GDAP1L1: variants seen among roughly 807,000 people sequenced by gnomAD.
GDAP1L1 encodes ganglioside-induced differentiation-associated protein 1-like 1.
Under a neutral mutation model 37.1 loss-of-function variants are expected in GDAP1L1, and 21 were observed. The observed-to-expected ratio is 0.57, with a 90% confidence interval of 0.40 to 0.81. The LOEUF (loss-of-function observed/expected upper bound fraction) is 0.81. GDAP1L1 is among the 40% of genes least tolerant of loss of function. The pLI is 0.00. For synonymous variants in GDAP1L1, 193 were observed against 209.1 expected (o/e 0.92, Z 0.67); for missense variants, 362 against 491.6 (o/e 0.74, Z 2.49).
chr20:44,253,402 AT>A (rs1555798835), intron 1 of GDAP1L1, among the ~76,000 whole-genome samples: 2 of 152,184 alleles, frequency 1.3e-5, no homozygotes, highest in Non-Finnish European at 2.9e-5. Flanking sequence ...AGGCCTACTA[AT>A]TTTTTTAAAA....
intron 1 of GDAP1L1, among the ~76,000 whole-genome samples, chr20:44,252,609 C>T (rs2073466527): frequency 6.6e-6 from 1 of 152,156 alleles, no homozygotes; most frequent in Admixed American, 6.6e-5. Context: ...CACTGCACTC[C>T]AGCTTGGGTA....
At chr20:44,262,526 T>C (rs1286739450) in intron 3 of GDAP1L1, among the ~76,000 whole-genome samples, 1 of 152,020 alleles carries the variant, frequency 6.6e-6, no homozygotes, top group Admixed American at 6.5e-5. Flanking sequence ...TGGCATCTAC[T>C]ACTCGTCCTC....
intron 2 of GDAP1L1, 107 bp downstream of exon 2, chr20:44,257,452 T>C: frequency 8.7e-7 from 1 of 1,149,608 alleles, no homozygotes; most frequent in South Asian, 1.6e-5. Context: ...GGAAATTCAC[T>C]GGAGCCATGG....
At chr20:44,256,832 A>G (rs1302006993) in intron 1 of GDAP1L1, among the ~76,000 whole-genome samples, 1 of 152,132 alleles carries the variant, frequency 6.6e-6, no homozygotes, top group Non-Finnish European at 1.5e-5. Context: ...AAGAAAACTG[A>G]GGCCCAGAAA....
intron 5 of GDAP1L1, among the ~76,000 whole-genome samples, chr20:44,269,760 T>A (rs1041821970): frequency 1.3e-5 from 2 of 152,068 alleles, no homozygotes; most frequent in African/African-American, 4.8e-5. Flanking sequence ...TGAAACCCTG[T>A]CTCTACTAAA....
intron 5 of GDAP1L1, among the ~76,000 whole-genome samples, chr20:44,267,988 A>G (rs1041518932): frequency 2.6e-5 from 4 of 152,212 alleles, no homozygotes; most frequent in Middle Eastern, 6.3e-3. Flanking sequence ...TGGGGGAGGT[A>G]GCAGAAGCCC....
chr20:44,261,225 G>A (rs911999700), intron 3 of GDAP1L1, among the ~76,000 whole-genome samples: 4 of 152,238 alleles, frequency 2.6e-5, no homozygotes, highest in Non-Finnish European at 5.9e-5. Context: ...TCAGTCTCAA[G>A]TCTTCTCTTG....
At chr20:44,258,123 C>A in intron 2 of GDAP1L1, 1 of 716,692 alleles carries the variant, frequency 1.4e-6, no homozygotes, top group South Asian at 1.5e-5. Flanking sequence ...ATTTAAAAGT[C>A]AAGGGGACCC....
Position 44,264,563 on chromosome 20 carries a change from G to C in GDAP1L1, c.760+4G>C. The C allele has an allele frequency of 6.2e-7, 1 of 1,610,336 alleles. No homozygotes were observed. The highest frequency in any genetic ancestry group is 8.5e-7 in the Non-Finnish European group (1 of 1,177,842). ...AAGAGGAAGCTGGAGAACGAGGGTGGGTGCCAGCCCTGGGGGAGGTGGGGG... is the reference window on the plus strand; with the variant it reads ...AAGAGGAAGCTGGAGAACGAGGGTGCGTGCCAGCCCTGGGGGAGGTGGGGG... On this transcript the variant is annotated splice_donor_region_variant and intron_variant, in intron 5 of 5. Transcript: ENST00000342560.
chr20:44,271,760 G>A (rs1412308771), intron 5 of GDAP1L1, among the ~76,000 whole-genome samples: 3 of 152,168 alleles, frequency 2.0e-5, no homozygotes, highest in Non-Finnish European at 2.9e-5. Context: ...TCAGGACAGC[G>A]ATGCAGAGGC....
intron 5 of GDAP1L1, among the ~76,000 whole-genome samples, chr20:44,266,350 A>T (rs1269933876): frequency 1.3e-5 from 2 of 151,620 alleles, no homozygotes; most frequent in African/African-American, 2.4e-5. Context: ...TCCTGTTTCT[A>T]TCCTAACGGT....
At chr20:44,261,603 C>T (rs936203646) in intron 3 of GDAP1L1, among the ~76,000 whole-genome samples, 1 of 152,198 alleles carries the variant, frequency 6.6e-6, no homozygotes, top group Non-Finnish European at 1.5e-5. Context: ...GGGAGACATA[C>T]ACATTCAGTG....
intron 3 of GDAP1L1, among the ~76,000 whole-genome samples, chr20:44,260,482 A>G (rs2073652158): frequency 6.6e-6 from 1 of 152,142 alleles, no homozygotes. Context: ...ACATTCTTCA[A>G]TCTTGTTTGA....
At chr20:44,257,385 C>G in intron 2 of GDAP1L1, 40 bp downstream of exon 2, 1 of 1,574,646 alleles carries the variant, frequency 6.4e-7, no homozygotes, top group South Asian at 1.1e-5. Context: ...CTCCATACCA[C>G]AGATCCTCAG....
intron 1 of GDAP1L1, among the ~76,000 whole-genome samples, chr20:44,250,418 A>G (rs1031968407): frequency 2.0e-5 from 3 of 152,178 alleles, no homozygotes; most frequent in African/African-American, 7.2e-5. Flanking sequence ...CATGTCAATC[A>G]CCTAGAATAG....
rs1257157980 is a variant in GDAP1L1 at position 44,280,024 on chromosome 20, C to T, written c.*724C>T. The T allele has an allele frequency of 2.9e-6, 1 of 339,026 alleles. No homozygotes were observed. Among genetic ancestry groups the T allele is most frequent in the Non-Finnish European group, 5.8e-6 (1 of 172,650 alleles). The allele number at this position is 339,026 out of a possible 1,614,324, so 21.0% of individuals were successfully genotyped here. Reference sequence around the variant, plus strand: ...CATCCTCTTCCTACCTTGAGTTTTTCTACCCTGTGAGGTGGGACTTTCAGT... The same window carrying T: ...CATCCTCTTCCTACCTTGAGTTTTTTTACCCTGTGAGGTGGGACTTTCAGT... On this transcript the variant is annotated 3_prime_UTR_variant, in exon 6 of 6. Coordinates refer to ENST00000342560, the MANE Select transcript of GDAP1L1 (RefSeq NM_024034.6).
At chr20:44,265,431 C>T in intron 5 of GDAP1L1, 7 of 985,442 alleles carry the variant, frequency 7.1e-6, no homozygotes, top group Non-Finnish European at 8.4e-6. Flanking sequence ...CTGAACAATG[C>T]AAATTTATGG....
chr20:44,257,644 C>T lies in GDAP1L1; in HGVS notation c.373+299C>T, dbSNP rs567087586. Among the ~76,000 whole-genome samples the T allele has an allele frequency of 3.9e-5, 6 of 152,070 alleles. No homozygotes were observed. The South Asian group carries it at 8.3e-4, about 21-fold the overall frequency. ...GCAGTGGGGCTATAGCCCTTTCCCC[C>T]GAGCTCTAGAGTCACAGGCATGGCC... On this transcript the variant is annotated intron_variant, in intron 2 of 5. Coordinates refer to ENST00000342560, the MANE Select transcript of GDAP1L1 (RefSeq NM_024034.6).
rs750968488 is a variant in GDAP1L1 at position 44,257,330 on chromosome 20, C to T, written c.358C>T (p.Arg120Cys). ...DYDQIIDYVE[R>C]TFTGEHVVAL... The stretch of plus-strand genomic sequence containing the variant: ...TGACCAGATCATTGACTATGTGGAG[C>T]GCACCTTCACAGGAGGTACGGCTGC... The change falls in exon 2 of 6, where the codon CGC (arginine) becomes TGC (cysteine). Residue 120 changes from arginine to cysteine, a missense_variant. Coordinates refer to ENST00000342560, the MANE Select transcript of GDAP1L1 (RefSeq NM_024034.6). 60 of 1,613,386 alleles carry T rather than the reference C, an allele frequency of 3.7e-5. No homozygotes were observed. The highest frequency in any genetic ancestry group is 6.7e-5 in the East Asian group (3 of 44,882).
Sources: allele counts gnomAD v4.1 joint callset (sites outside exome capture counted in the v4.1 genomes callset), GRCh38; gene constraint gnomAD v4.1.1; transcripts MANE v1.5; gene names NCBI Gene and HGNC (gene_info 2026-07-23, HGNC 2026-07-21).